ZSWIM5: variants seen among roughly 807,000 people sequenced by gnomAD.
ZSWIM5 encodes zinc finger SWIM-type containing 5.
ZSWIM5 carries 55 observed loss-of-function variants against 119.6 expected under a neutral mutation model. The observed-to-expected ratio is 0.46, with a 90% confidence interval of 0.37 to 0.58. The LOEUF (loss-of-function observed/expected upper bound fraction) is 0.58, where lower values mean the gene tolerates loss of function less well. Ranked by LOEUF, ZSWIM5 falls within the 20% of genes least tolerant of loss-of-function variation. The pLI is 0.00. For synonymous variants in ZSWIM5, 537 were observed against 606.9 expected, an observed-to-expected ratio of 0.88 and a Z score of 1.69; for missense variants, 1,193 against 1,512.8, an observed-to-expected ratio of 0.79 and a Z score of 3.51.
chr1:45,199,509 C>G (rs535257221), intron 1 of ZSWIM5, among the ~76,000 whole-genome samples: 1 of 152,200 alleles, frequency 6.6e-6, no homozygotes, highest in South Asian at 2.1e-4. Context: ...CCATGTTGGC[C>G]AGGATGGTCT....
In ZSWIM5 at chr1:45,018,375, A is replaced by T. The variant is rs1301826660; in HGVS notation, c.*79T>A. ...GGTGCTCAGAGTTCTCTCAGGGTGG[A>T]CAAATGTTTCAGTGCCCTTGGCCTG... On this transcript the variant is annotated 3_prime_UTR_variant, in exon 14 of 14. Transcript: ENST00000359600. This position sits in a 1 kb window ranked among gnomAD's most constrained non-coding sequence, Gnocchi z 6.7. 6.5e-7 allele frequency: 1 copy of T among 1,539,946 alleles called. No homozygotes were observed. The highest frequency in any genetic ancestry group is 2.3e-5 in the East Asian group (1 of 44,426).
chr1:45,031,702 T>C (rs1186529436), intron 11 of ZSWIM5, among the ~76,000 whole-genome samples: 1 of 151,844 alleles, frequency 6.6e-6, no homozygotes, highest in Non-Finnish European at 1.5e-5. Context: ...TAGCCGGGCG[T>C]GGTGGCGGGC....
At chr1:45,082,334 AAAG>A (rs1451646608) in intron 2 of ZSWIM5, among the ~76,000 whole-genome samples, 47 of 145,944 alleles carry the variant, frequency 3.2e-4, no homozygotes, top group African/African-American at 1.1e-3. Context: ...TAAAAAAAAA[AAAG>A]AAAAAAAAAA....
chr1:45,069,755 A>T (rs1969084), intron 2 of ZSWIM5, among the ~76,000 whole-genome samples: 142,730 of 152,266 alleles, frequency 0.94, 66,945 homozygotes, highest in Middle Eastern at 0.99. Context: ...GGCATAGCAA[A>T]AGGTCAGCAG....
At chr1:45,026,461 C>T (rs1644921483) in intron 11 of ZSWIM5, among the ~76,000 whole-genome samples, 1 of 151,650 alleles carries the variant, frequency 6.6e-6, no homozygotes, top group Non-Finnish European at 1.5e-5. Flanking sequence ...CCTGCATTTA[C>T]TGATGAATGA....
rs200679252 is a variant in ZSWIM5 at position 45,020,079 on chromosome 1, A to G, written c.2682T>C (p.Cys894=). Residue 894 remains cysteine, a synonymous_variant, in exon 13 of 14, where the codon TGT becomes TGC. Coordinates refer to ENST00000359600, the MANE Select transcript of ZSWIM5 (RefSeq NM_020883.2). ...RREMVRWLVT[C]ATEVGVRALV... ...TGGGAGACTCACCCACTTCTGTAGC[A>G]CAGGTCACCAACCATCGTACCATCT... The G allele has an allele frequency of 5.0e-6, 8 of 1,613,932 alleles. No homozygotes were observed. The highest frequency in any genetic ancestry group is 5.9e-6 in the Non-Finnish European group (7 of 1,179,992).
chr1:45,206,212 C>A lies in ZSWIM5; in HGVS notation c.139G>T (p.Val47Phe), dbSNP rs1310251541. 3 of 1,590,040 alleles carry A rather than the reference C, an allele frequency of 1.9e-6. No individual in the cohort carries two copies. The South Asian group carries it at 3.4e-5, about 18-fold the overall frequency. The part of the protein sequence containing the change: ...PGAAGGGAGG[V>F]GSSCLVLGAR... Reference sequence around the variant, plus strand: ...CCGAGGACCAGGCAGCTGCTGCCGACGCCCCCTGCCCCTCCGCCGGCTGCC... The same window carrying A: ...CCGAGGACCAGGCAGCTGCTGCCGAAGCCCCCTGCCCCTCCGCCGGCTGCC... The change falls in exon 1 of 14, where the codon GTC (valine) becomes TTC (phenylalanine). Residue 47 changes from valine (V) to phenylalanine (F), a missense_variant. Physicochemically the swap from Val to Phe is conservative, Grantham distance 50 (BLOSUM62 -1). Around this residue, in one of 2 missense-constraint regions of ZSWIM5, gnomAD observed 232 missense variants for 222.9 expected, o/e 1.04. Coordinates refer to ENST00000359600, the MANE Select transcript of ZSWIM5 (RefSeq NM_020883.2).
chr1:45,120,836 A>T (rs191375891), intron 1 of ZSWIM5, among the ~76,000 whole-genome samples: 11 of 151,958 alleles, frequency 7.2e-5, no homozygotes, highest in African/African-American at 2.7e-4. Context: ...AAGCTTCTAA[A>T]CCTATACACT....
At chr1:45,158,830 G>C (rs1301867235) in intron 1 of ZSWIM5, among the ~76,000 whole-genome samples, 1 of 152,084 alleles carries the variant, frequency 6.6e-6, no homozygotes, top group Non-Finnish European at 1.5e-5. Flanking sequence ...AAGATATAAA[G>C]AATTAGGGCT....
chr1:45,106,228 C>T (rs1645476326), intron 1 of ZSWIM5, among the ~76,000 whole-genome samples: 2 of 142,834 alleles, frequency 1.4e-5, no homozygotes, highest in Admixed American at 1.4e-4. Context: ...GCGTCTCTGC[C>T]CGGCCGCCCT....
chr1:45,166,624 G>C (rs184063712), intron 1 of ZSWIM5, among the ~76,000 whole-genome samples: 95 of 152,166 alleles, frequency 6.2e-4, no homozygotes, highest in African/African-American at 2.3e-3. Context: ...TCAGCAAAGT[G>C]TCAGGAAACA....
chr1:45,185,844 A>C (rs1016632003), intron 1 of ZSWIM5, among the ~76,000 whole-genome samples: 1 of 152,184 alleles, frequency 6.6e-6, no homozygotes, highest in Non-Finnish European at 1.5e-5. Context: ...ACAGTGCGGC[A>C]ATTCCTCAGG....
At chr1:45,141,940 G>A (rs1201564970) in intron 1 of ZSWIM5, among the ~76,000 whole-genome samples, 1 of 152,072 alleles carries the variant, frequency 6.6e-6, no homozygotes, top group Non-Finnish European at 1.5e-5. Flanking sequence ...TTTTTTGTGT[G>A]TTCAAAGTCT....
At chr1:45,034,932 C>T (rs1372059231) in intron 10 of ZSWIM5, among the ~76,000 whole-genome samples, 3 of 152,040 alleles carry the variant, frequency 2.0e-5, no homozygotes, top group Admixed American at 6.6e-5. Flanking sequence ...CAGGTGTGCA[C>T]CAACATGCCT....
At chr1:45,059,199 C>T (rs184647391) in intron 3 of ZSWIM5, among the ~76,000 whole-genome samples, 1 of 152,264 alleles carries the variant, frequency 6.6e-6, no homozygotes, top group African/African-American at 2.4e-5. Flanking sequence ...ATGTTTATAG[C>T]AGCACTATTC....
In ZSWIM5 at chr1:45,070,273, T is replaced by C. The variant is rs564363305; in HGVS notation, c.953-10026A>G. On this transcript the variant is annotated intron_variant, in intron 2 of 13. Transcript: ENST00000359600. Reference sequence around the variant, plus strand: ...GAACCAACACTTGGAGGTTCAACAATAACATCATAAATTATTCCTCTGGTG... The same window carrying C: ...GAACCAACACTTGGAGGTTCAACAACAACATCATAAATTATTCCTCTGGTG... The C allele has an allele frequency of 1.8e-4, 258 of 1,463,752 alleles. No homozygotes were observed. In the African/African-American group the frequency reaches 3.0e-3, roughly 17 times the overall value. 90.7% of individuals were successfully genotyped at this position (1,463,752 alleles called of 1,614,324 possible).
intron 5 of ZSWIM5, among the ~76,000 whole-genome samples, chr1:45,044,784 TATATAA>T (rs1424283544): frequency 0.17 from 352 of 2,014 alleles, 133 homozygotes; most frequent in African/African-American, 0.27. Flanking sequence ...TAAATATATA[TATATAA>T]ATATATATAT....
chr1:45,203,394 C>T (rs562503140), intron 1 of ZSWIM5, among the ~76,000 whole-genome samples: 27 of 151,958 alleles, frequency 1.8e-4, no homozygotes, highest in African/African-American at 6.5e-4. Flanking sequence ...ATTAAATTCC[C>T]TTATGACTCT....
At chr1:45,137,284 A>G (rs1645695601) in intron 1 of ZSWIM5, among the ~76,000 whole-genome samples, 1 of 152,286 alleles carries the variant, frequency 6.6e-6, no homozygotes, top group African/African-American at 2.4e-5. Flanking sequence ...CCTGGCTTCA[A>G]GTGATCCTCC....
Sources: allele counts gnomAD v4.1 joint callset (sites outside exome capture counted in the v4.1 genomes callset), GRCh38; gene constraint gnomAD v4.1.1; regional missense constraint gnomAD v4.1.1; non-coding constraint Gnocchi (gnomAD v3.1); transcripts MANE v1.5; gene names NCBI Gene and HGNC (gene_info 2026-07-23, HGNC 2026-07-21).